TRMT44: variants seen among roughly 807,000 people sequenced by gnomAD.
TRMT44 encodes probable tRNA (uracil-O(2)-)-methyltransferase.
TRMT44 carries 78 observed loss-of-function variants against 77.3 expected under a neutral mutation model. That is an observed-to-expected ratio of 1.01 (90% CI 0.84 to 1.22). The LOEUF is 1.22. Among genes scored for constraint, TRMT44 ranks in the 50% most tolerant of loss-of-function variants. The pLI, the probability that TRMT44 is intolerant of heterozygous loss-of-function variation, is 0.00. For synonymous variants in TRMT44, 391 were observed against 383.3 expected (o/e 1.02, Z -0.23); for missense variants, 1,090 against 964.4 (o/e 1.13, Z -1.73).
chr4:8,452,025 G>A lies in TRMT44; in HGVS notation c.1020G>A (p.Leu340=). The A allele has an allele frequency of 6.5e-7, 1 of 1,536,566 alleles. No individual in the cohort carries two copies. Among genetic ancestry groups the A allele is most frequent in the Non-Finnish European group, 8.7e-7 (1 of 1,146,878 alleles). ...VYEDVAIAAY[L]LILWEEERAE... The stretch of plus-strand genomic sequence containing the variant: ...AAGATGTGGCTATCGCAGCATACCT[G>A]CTGGTAAGGGTGTAAGCGACCTCAG... Residue 340 remains leucine (L), a synonymous_variant, in exon 4 of 11, where the codon CTG becomes CTA. Transcript: ENST00000389737. This position sits in a 1 kb window ranked among gnomAD's most constrained non-coding sequence, Gnocchi z 5.7.
At chr4:8,464,440 A>G (rs1726386395) in intron 7 of TRMT44, among the ~76,000 whole-genome samples, 1 of 152,210 alleles carries the variant, frequency 6.6e-6, no homozygotes, top group East Asian at 1.9e-4. Flanking sequence ...TTCTGAAAAC[A>G]TGAGGCTTTG....
At chr4:8,475,703 A>C in intron 10 of TRMT44, 69 bp from the exon 11 acceptor site, 5 of 1,494,274 alleles carry the variant, frequency 3.3e-6, no homozygotes, top group Non-Finnish European at 4.6e-6. Context: ...TGGGAGCTAA[A>C]GAGAGGCTGG....
At chr4:8,471,313 A>G (rs1726979940) in intron 10 of TRMT44, 113 bp downstream of exon 10, 2 of 774,732 alleles carry the variant, frequency 2.6e-6, no homozygotes, top group South Asian at 2.0e-5. Context: ...TGACAGAAGC[A>G]GCAAGTTCCG....
At chr4:8,474,345 C>T (rs1309244510) in intron 10 of TRMT44, among the ~76,000 whole-genome samples, 2 of 152,148 alleles carry the variant, frequency 1.3e-5, no homozygotes, top group Non-Finnish European at 2.9e-5. Flanking sequence ...CAGAGTGTCG[C>T]GGGACTGCCT....
At chr4:8,458,470 T>C (rs1051789647) in intron 6 of TRMT44, among the ~76,000 whole-genome samples, 12 of 149,982 alleles carry the variant, frequency 8.0e-5, no homozygotes, top group African/African-American at 9.8e-5. Flanking sequence ...TTTTCTTTTT[T>C]TTTTTTTTTT....
chr4:8,461,722 C>G lies in TRMT44; in HGVS notation c.1204-2263C>G, dbSNP rs578147775. On this transcript the variant is annotated intron_variant, in intron 6 of 10. Coordinates refer to ENST00000389737, the MANE Select transcript of TRMT44 (RefSeq NM_152544.3). The surrounding 1 kb of genome is among the most constrained non-coding windows in gnomAD (Gnocchi z 4.6). ...CTTGTTACCTCCCAACCTTCAGTCT[C>G]GGTGCTAAAATAGCCATGTTTATTC... is the stretch of plus-strand genomic sequence containing the variant. Among the ~76,000 whole-genome samples the G allele has an allele frequency of 6.6e-6, 1 of 152,064 alleles. No individual in the cohort carries two copies. The highest frequency in any genetic ancestry group is 1.5e-5 in the Non-Finnish European group (1 of 68,004).
intron 2 of TRMT44, among the ~76,000 whole-genome samples, chr4:8,483,606 G>A (rs761404397): frequency 6.6e-6 from 1 of 152,164 alleles, no homozygotes; most frequent in African/African-American, 2.4e-5. Flanking sequence ...GGCTTGGTGA[G>A]GTGTGTTTTT....
downstream of TRMT44, among the ~76,000 whole-genome samples, chr4:8,494,734 T>C (rs1268898146): frequency 2.6e-5 from 4 of 152,106 alleles, no homozygotes; most frequent in African/African-American, 9.7e-5. Flanking sequence ...CAAAATAAAC[T>C]TTCTAAATTG....
intron 6 of TRMT44, among the ~76,000 whole-genome samples, chr4:8,459,411 C>G (rs978699920): frequency 3.3e-5 from 5 of 152,164 alleles, no homozygotes; most frequent in African/African-American, 1.2e-4. Flanking sequence ...CTTATTATCC[C>G]CATTTTACAG....
intron 2 of TRMT44, among the ~76,000 whole-genome samples, chr4:8,484,850 G>T (rs757260420): frequency 6.6e-6 from 1 of 152,122 alleles, no homozygotes; most frequent in Non-Finnish European, 1.5e-5. Flanking sequence ...GAAGGGTTGG[G>T]GTTTGAGAGA....
chr4:8,515,186 C>T, the TRMT44 span, among the ~76,000 whole-genome samples: 166 of 152,250 alleles, frequency 1.1e-3, no homozygotes, highest in Non-Finnish European at 1.7e-3. Context: ...AGGCTGGTCT[C>T]GAAATCCTGA....
intron 2 of TRMT44, among the ~76,000 whole-genome samples, chr4:8,484,828 GGTT>G (rs1251900497): frequency 6.6e-6 from 1 of 152,172 alleles, no homozygotes; most frequent in East Asian, 1.9e-4. Context: ...GGAAGGAAGG[GGTT>G]GTTTTGTAGA....
chr4:8,486,915 G>T (rs1486074243), intron 2 of TRMT44, among the ~76,000 whole-genome samples: 1 of 152,126 alleles, frequency 6.6e-6, no homozygotes, highest in African/African-American at 2.4e-5. Flanking sequence ...CAGGGAGGAG[G>T]GGAGAGGTCA....
At chr4:8,442,327 T>C (rs1175266130) in intron 1 of TRMT44, among the ~76,000 whole-genome samples, 2 of 152,208 alleles carry the variant, frequency 1.3e-5, no homozygotes, top group Non-Finnish European at 2.9e-5. Context: ...TGAAAGAGCA[T>C]AGAGACTGGA....
At chr4:8,513,066 G>A in the TRMT44 span, among the ~76,000 whole-genome samples, 10 of 152,020 alleles carry the variant, frequency 6.6e-5, no homozygotes, top group East Asian at 1.9e-4. Context: ...ACAGGTGCCC[G>A]CCACCACACC....
downstream of TRMT44, among the ~76,000 whole-genome samples, chr4:8,496,096 C>T (rs1728142642): frequency 6.6e-6 from 1 of 152,202 alleles, no homozygotes; most frequent in African/African-American, 2.4e-5. Context: ...GAGAAACCTT[C>T]ATTTGCATAG....
At chr4:8,493,562 T>A (rs1728073043), downstream of TRMT44, 1 of 152,238 alleles carries the variant, frequency 6.6e-6, no homozygotes, top group South Asian at 2.1e-4. Context: ...ATTTCCTGTT[T>A]TGATCCATCA....
rs1455179504 is a variant in TRMT44 at position 8,452,913 on chromosome 4, G to T, written c.1055G>T (p.Arg352Ile). ...ILWEEERAER[R>I]LTARQSFVDL... Reference sequence around the variant, plus strand: ...TGGGAAGAAGAAAGGGCTGAGAGGAGACTAACTGCCAGGCAGTCCTTTGTG... The same window carrying T: ...TGGGAAGAAGAAAGGGCTGAGAGGATACTAACTGCCAGGCAGTCCTTTGTG... The change falls in exon 5 of 11, where the codon AGA becomes ATA. Residue 352 changes from arginine (R) to isoleucine (I), a missense_variant. Transcript: ENST00000389737. The surrounding 1 kb of genome is among the most constrained non-coding windows in gnomAD (Gnocchi z 5.7). The T allele has an allele frequency of 1.3e-6, 2 of 1,532,846 alleles. No individual in the cohort carries two copies. The highest frequency in any genetic ancestry group is 1.7e-6 in the Non-Finnish European group (2 of 1,145,458). 95.0% of individuals were successfully genotyped at this position (1,532,846 alleles called of 1,614,324 possible).
At chr4:8,509,168 C>G in the TRMT44 span, 1 of 144,110 alleles carries the variant, frequency 6.9e-6, no homozygotes, top group Non-Finnish European at 1.5e-5. Flanking sequence ...TTTGAAGGAA[C>G]CAAAGAGATC....
Sources: allele counts gnomAD v4.1 joint callset (sites outside exome capture counted in the v4.1 genomes callset), GRCh38; gene constraint gnomAD v4.1.1; non-coding constraint Gnocchi (gnomAD v3.1); transcripts MANE v1.5; gene names NCBI Gene and HGNC (gene_info 2026-07-23, HGNC 2026-07-21).